RPL28: variants seen among roughly 807,000 people sequenced by gnomAD.
The protein encoded by RPL28 is ribosomal protein L28, also known as large ribosomal subunit protein eL28.
Under a neutral mutation model 12.5 loss-of-function variants are expected in RPL28, and 4 were observed. That is an observed-to-expected ratio of 0.32 (90% confidence interval 0.16 to 0.73). RPL28 has a LOEUF of 0.73. RPL28 is among the 30% of genes least tolerant of loss of function. The pLI is 0.66. For missense variants in RPL28, 214 were observed against 197.7 expected, an observed-to-expected ratio of 1.08 and a Z score of -0.49; for synonymous variants, 91 against 72.5, an observed-to-expected ratio of 1.26 and a Z score of -1.30.
At chr19:55,401,691 C>T in intron 4 of RPL28, 2 of 1,613,106 alleles carry the variant, frequency 1.2e-6, no homozygotes, top group Non-Finnish European at 1.7e-6. Flanking sequence ...CGTAGTTCTC[C>T]AAGAGCAGGC....
chr19:55,387,276 T>C (rs1011239119), intron 3 of RPL28: 44 of 1,551,468 alleles, frequency 2.8e-5, no homozygotes, highest in Admixed American at 7.8e-5. Context: ...GGCTGTATTT[T>C]CTTTTTAGAG....
In RPL28 at chr19:55,391,228, G is replaced by T; in HGVS notation, c.*2896G>T. 3.9e-6 allele frequency: 1 copy of T among 258,578 alleles called. No homozygotes were observed. The highest frequency in any genetic ancestry group is 2.2e-5 in the African/African-American group (1 of 44,798). The allele number at this position is 258,578 out of a possible 1,614,324, so 16.0% of individuals were successfully genotyped here. ...TCCCAGCTCAGGGCTAATGGTTCAC[G>T]GAAGCCAGGAATCAAACTGCCTGGG... On this transcript the variant is annotated 3_prime_UTR_variant, in exon 5 of 5. Transcript: ENST00000344063.
chr19:55,395,028 C>T (rs913535367), downstream of RPL28, among the ~76,000 whole-genome samples: 5 of 152,234 alleles, frequency 3.3e-5, no homozygotes, highest in East Asian at 1.9e-4. Flanking sequence ...GTATATGCAT[C>T]GAATGCCTCT....
At chr19:55,401,846 G>A in intron 4 of RPL28, 1 of 1,444,802 alleles carries the variant, frequency 6.9e-7, no homozygotes. Flanking sequence ...CCTCCGCACT[G>A]GCTGTTCCTT....
chr19:55,391,682 AG>A lies in RPL28; in HGVS notation c.*3353del, dbSNP rs2089991522. The A allele has an allele frequency of 1.9e-6, 3 of 1,540,132 alleles. No individual in the cohort carries two copies. Among genetic ancestry groups the A allele is most frequent in the Non-Finnish European group, 2.6e-6 (3 of 1,137,050 alleles). ...TGCGTGTCGATAGACCCTACTACTC[AG>A]GGTTGATGAGAAGATTAAATGTGCA... On this transcript the variant is annotated 3_prime_UTR_variant, in exon 5 of 5. Transcript: ENST00000344063.
At chr19:55,386,538 A>T in intron 2 of RPL28, 32 bp from the exon 3 acceptor site, 2 of 1,600,556 alleles carry the variant, frequency 1.2e-6, no homozygotes, top group Middle Eastern at 1.7e-4. Context: ...CGGGTCCCTT[A>T]TTCACGATGC....
intron 4 of RPL28, among the ~76,000 whole-genome samples, chr19:55,402,709 C>G (rs1341723387): frequency 6.6e-6 from 1 of 152,220 alleles, no homozygotes; most frequent in Non-Finnish European, 1.5e-5. Context: ...CTGACAGGCC[C>G]AGATGCTGAC....
downstream of RPL28, among the ~76,000 whole-genome samples, chr19:55,392,596 G>A (rs146698427): frequency 6.7e-6 from 1 of 149,854 alleles, no homozygotes; most frequent in Admixed American, 6.6e-5. Flanking sequence ...GCAGTGGCGC[G>A]ACCTCGGGTG....
At chr19:55,402,960 G>C (rs1374313915) in exon 5 of RPL28, 1 of 1,533,980 alleles carries the variant, frequency 6.5e-7, no homozygotes, top group Non-Finnish European at 8.7e-7. Flanking sequence ...GAAGGGTTGG[G>C]AGGCAGCAGG....
chr19:55,401,091 T>C (rs1476276430), intron 4 of RPL28: 1 of 305,950 alleles, frequency 3.3e-6, no homozygotes, highest in Non-Finnish European at 6.1e-6. Context: ...CAAAGAGGGG[T>C]TGTGACCGCT....
At position 55,391,235 on chromosome 19, in the gene RPL28, A is replaced by G. The variant is rs2089987443; in HGVS notation, c.*2903A>G. 1 of 277,216 alleles carries G rather than the reference A, an allele frequency of 3.6e-6. No homozygotes were observed. Among genetic ancestry groups the G allele is most frequent in the Admixed American group, 5.4e-5 (1 of 18,470 alleles). 17.2% of individuals were successfully genotyped at this position (277,216 alleles called of 1,614,324 possible). On this transcript the variant is annotated 3_prime_UTR_variant, in exon 5 of 5. Coordinates refer to ENST00000344063, the MANE Select transcript of RPL28 (RefSeq NM_000991.5). ...TCAGGGCTAATGGTTCACGGAAGCCAGGAATCAAACTGCCTGGGTTCCAGT... is the reference window on the plus strand; with the variant it reads ...TCAGGGCTAATGGTTCACGGAAGCCGGGAATCAAACTGCCTGGGTTCCAGT...
rs1031807725 is a variant in RPL28, at chr19:55,388,977, C to T, written c.*645C>T. On this transcript the variant is annotated 3_prime_UTR_variant, in exon 5 of 5. Transcript: ENST00000344063. ...AGCATTGTCCCCCTACTCCCGTCCT[C>T]CAGGTGTCCCCATCCCTCCCCTGTC... 2.0e-6 allele frequency: 2 copies of T among 985,392 alleles called. No homozygotes were observed. Among genetic ancestry groups the T allele is most frequent in the Non-Finnish European group, 2.4e-6 (2 of 829,990 alleles). The allele number at this position is 985,392 out of a possible 1,614,324, so 61.0% of individuals were successfully genotyped here. A position where few individuals can be genotyped will look rare whatever the true frequency, so the allele number is the denominator to read the frequency against.
chr19:55,395,694 T>TC (rs1432122211), downstream of RPL28, among the ~76,000 whole-genome samples: 28 of 151,500 alleles, frequency 1.8e-4, no homozygotes, highest in Admixed American at 5.9e-4. Flanking sequence ...CTGCCCACCT[T>TC]GGCCTCCCAA....
At chr19:55,401,287 T>C (rs947425139) in intron 4 of RPL28, 1 of 904,430 alleles carries the variant, frequency 1.1e-6, no homozygotes, top group South Asian at 1.7e-5. Context: ...AGAAGCTGCT[T>C]TTCCAACTTT....
chr19:55,395,004 A>G (rs549838693), downstream of RPL28, among the ~76,000 whole-genome samples: 4 of 152,358 alleles, frequency 2.6e-5, no homozygotes, highest in East Asian at 1.9e-4. Context: ...AATAAGATGC[A>G]TGTGTATTTG....
At chr19:55,387,121 C>G in intron 3 of RPL28, 1 of 1,329,812 alleles carries the variant, frequency 7.5e-7, no homozygotes, top group Non-Finnish European at 1.0e-6. Flanking sequence ...TCCCATTTTG[C>G]CTGTGTAGGT....
downstream of RPL28, among the ~76,000 whole-genome samples, chr19:55,393,691 G>A (rs1265671875): frequency 1.4e-5 from 2 of 142,768 alleles, no homozygotes; most frequent in Non-Finnish European, 1.5e-5. Flanking sequence ...GGAGTGCAAT[G>A]GCATGACCTT....
At chr19:55,386,182 A>G (rs76335916) in intron 1 of RPL28, 168 bp from the exon 2 acceptor site, 3 of 631,258 alleles carry the variant, frequency 4.8e-6, no homozygotes, top group African/African-American at 1.8e-5. Context: ...GCCTTAGGTC[A>G]CTCAGTCCCG....
chr19:55,399,949 T>G (rs2090045264), intron 4 of RPL28: 1 of 152,214 alleles, frequency 6.6e-6, no homozygotes, highest in South Asian at 2.1e-4. Context: ...TTCCCTTGTC[T>G]TTCCTTCGCT....
Sources: allele counts gnomAD v4.1 joint callset (sites outside exome capture counted in the v4.1 genomes callset), GRCh38; gene constraint gnomAD v4.1.1; transcripts MANE v1.5; gene names NCBI Gene and HGNC (gene_info 2026-07-23, HGNC 2026-07-21).